FGF13: variants seen among roughly 807,000 people sequenced by gnomAD.
The protein encoded by FGF13 is fibroblast growth factor homologous factor 2.
In FGF13, 2 loss-of-function variants were observed where a neutral mutation model predicts 19.5. That is an observed-to-expected ratio of 0.10 (90% confidence interval 0.04 to 0.32). The LOEUF (loss-of-function observed/expected upper bound fraction) is 0.32, where lower values mean the gene tolerates loss of function less well. Ranked by LOEUF, FGF13 falls within the 10% of genes least tolerant of loss-of-function variation. The probability of loss-of-function intolerance (pLI) is 1.00; values close to 1 mark genes in which losing one functional copy is unlikely to be tolerated. For synonymous variants in FGF13, 72 were observed against 76.9 expected (o/e 0.94, Z 0.33); for missense variants, 113 against 192.7 (o/e 0.59, Z 2.45).
intron 1 of FGF13, among the ~76,000 whole-genome samples, chrX:138,951,200 T>C (rs947974821): frequency 9.0e-6 from 1 of 111,527 alleles, no homozygotes; most frequent in African/African-American, 3.3e-5. Flanking sequence ...TTGAATTCTA[T>C]AGTACTCCGC....
chrX:139,046,539 C>A (rs1451002017), intron 1 of FGF13, among the ~76,000 whole-genome samples: 2 of 111,278 alleles, frequency 1.8e-5, no homozygotes, highest in Non-Finnish European at 3.8e-5. Context: ...CTCAACCTTT[C>A]CCTTGGGTTT....
intron 3 of FGF13, among the ~76,000 whole-genome samples, chrX:138,809,115 T>C (rs2090898982): frequency 8.9e-6 from 1 of 111,886 alleles, no homozygotes; most frequent in Non-Finnish European, 1.9e-5. Context: ...ATCATCCTGA[T>C]ACCAAAATCT....
intron 1 of FGF13, among the ~76,000 whole-genome samples, chrX:139,013,477 TTTTA>T (rs1379161885): frequency 1.5e-5 from 1 of 64,746 alleles, no homozygotes; most frequent in African/African-American, 6.8e-5. Context: ...ATAAAGAAAA[TTTTA>T]TATATATATA....
intron 3 of FGF13, among the ~76,000 whole-genome samples, chrX:138,645,769 G>A (rs1385130084): frequency 1.8e-5 from 2 of 112,292 alleles, no homozygotes. Context: ...CACATTAATT[G>A]TATGTGTGAG....
At chrX:139,147,800 A>C (rs2083902602) in intron 1 of FGF13, among the ~76,000 whole-genome samples, 1 of 110,325 alleles carries the variant, frequency 9.1e-6, no homozygotes, top group Admixed American at 9.7e-5. Context: ...TTTAGGGTTG[A>C]TCCTAATTAA....
intron 3 of FGF13, among the ~76,000 whole-genome samples, chrX:138,694,975 T>C (rs2089879335): frequency 1.0e-5 from 1 of 95,421 alleles, no homozygotes; most frequent in Admixed American, 1.3e-4. Flanking sequence ...AGTGGATTAT[T>C]TACTAGTTGA....
chrX:138,676,153 G>C (rs1209855977), intron 3 of FGF13, among the ~76,000 whole-genome samples: 5 of 111,569 alleles, frequency 4.5e-5, no homozygotes, highest in Non-Finnish European at 9.4e-5. Context: ...AAAACCAAAG[G>C]GGGAAAAGCA....
chrX:138,666,370 T>G (rs1294547655), intron 3 of FGF13, among the ~76,000 whole-genome samples: 1 of 111,863 alleles, frequency 8.9e-6, no homozygotes, highest in Non-Finnish European at 1.9e-5. Flanking sequence ...AGGAAATTCA[T>G]GAGAAAGCTA....
rs193237041 is a variant in FGF13, at chrX:138,935,320, T to C, written c.-112-70670A>G. On this transcript the variant is annotated intron_variant, in intron 1 of 2. Transcript: ENST00000421460. ...GGGGAAAAAATGAAAAAAAAAATGC[T>C]CTTTCACACAGCTTCACACTAGTTT... 2.7e-5 allele frequency among the ~76,000 whole-genome samples: 3 copies of C among 111,572 alleles called. No homozygotes were observed. In the East Asian group the frequency reaches 8.5e-4, roughly 32 times the overall value.
chrX:139,174,619 G>T (rs1476547678), intron 1 of FGF13, among the ~76,000 whole-genome samples: 3 of 111,997 alleles, frequency 2.7e-5, no homozygotes, highest in Non-Finnish European at 5.6e-5. Context: ...CATATGGCTA[G>T]CCAGTTTACC....
chrX:138,652,296 GA>G (rs1238036746), intron 3 of FGF13, among the ~76,000 whole-genome samples: 1 of 111,287 alleles, frequency 9.0e-6, no homozygotes, highest in Non-Finnish European at 1.9e-5. Flanking sequence ...CTATATGAAA[GA>G]GAAACCCTTA....
chrX:138,681,609 G>A (rs2089729680), intron 3 of FGF13, among the ~76,000 whole-genome samples: 1 of 112,754 alleles, frequency 8.9e-6, no homozygotes, highest in Non-Finnish European at 1.9e-5. Flanking sequence ...GTTAGCTGGT[G>A]CAAGAGGCCT....
chrX:138,636,365 G>A (rs1160738120), intron 3 of FGF13, among the ~76,000 whole-genome samples: 1 of 111,547 alleles, frequency 9.0e-6, no homozygotes, highest in African/African-American at 3.3e-5. Flanking sequence ...TTTGAACTCA[G>A]GAATATGGTT....
chrX:138,684,813 G>A (rs995628257), intron 3 of FGF13, among the ~76,000 whole-genome samples: 7 of 110,977 alleles, frequency 6.3e-5, no homozygotes, highest in African/African-American at 2.3e-4. Context: ...GCCCAAACAG[G>A]GTATGTGGTC....
At chrX:139,003,766 T>C (rs779661242) in intron 1 of FGF13, among the ~76,000 whole-genome samples, 180 of 108,736 alleles carry the variant, frequency 1.7e-3, no homozygotes, top group African/African-American at 5.4e-3. Flanking sequence ...AGAGTGCCGA[T>C]TGGTGTATTT....
intron 1 of FGF13, among the ~76,000 whole-genome samples, chrX:139,173,635 G>T (rs1278737023): frequency 1.8e-5 from 2 of 110,598 alleles, no homozygotes; most frequent in African/African-American, 6.6e-5. Context: ...TCCCACTTAT[G>T]AGTGAGAACA....
intron 1 of FGF13, among the ~76,000 whole-genome samples, chrX:138,939,217 C>T (rs1256447562): frequency 9.0e-6 from 1 of 111,620 alleles, no homozygotes; most frequent in African/African-American, 3.3e-5. Flanking sequence ...TGGCCTCCTG[C>T]TGGCATTGCC....
At chrX:138,883,253 T>A (rs746271570) in intron 1 of FGF13, among the ~76,000 whole-genome samples, 2 of 112,065 alleles carry the variant, frequency 1.8e-5, no homozygotes, top group East Asian at 5.7e-4. Flanking sequence ...CGCCTCTGAT[T>A]TGGAGGTAAA....
intron 1 of FGF13, among the ~76,000 whole-genome samples, chrX:138,892,002 A>ATGTGTGTGTGTGTGTGTG (rs3077315): frequency 1.3e-4 from 12 of 90,382 alleles, no homozygotes; most frequent in African/African-American, 4.7e-4. Flanking sequence ...ATATATACAT[A>ATGTGTGTGTGTGTGTGTG]TGTGTGTGTG....
Sources: allele counts gnomAD v4.1 joint callset (sites outside exome capture counted in the v4.1 genomes callset), GRCh38; gene constraint gnomAD v4.1.1; transcripts MANE v1.5; gene names NCBI Gene and HGNC (gene_info 2026-07-23, HGNC 2026-07-21).